FLT1: variants seen among roughly 807,000 people sequenced by gnomAD.
The protein encoded by FLT1 is fms related receptor tyrosine kinase 1, also known as vascular endothelial growth factor receptor 1.
A neutral mutation model predicts 156.3 loss-of-function variants in FLT1; 49 were observed. The ratio of observed to expected loss-of-function variants is 0.31; its 90% CI spans 0.25 to 0.40. The LOEUF is 0.40. Ranked by LOEUF, FLT1 falls within the 10% of genes least tolerant of loss-of-function variation. The pLI is 1.00. For missense variants in FLT1, 1,322 were observed against 1,637.2 expected (o/e 0.81, Z 3.32); for synonymous variants, 594 against 583.8 (o/e 1.02, Z -0.25).
chr13:28,441,383 T>G lies in FLT1; in HGVS notation c.389-3038A>C, dbSNP rs190302138. On this transcript the variant is annotated intron_variant, in intron 3 of 29. Transcript: ENST00000282397. ...AGTGTAGTTTGCTTCCTCTCATTCC[T>G]GCTCTAAAACTGTTTAATAAACTCT... Among the ~76,000 whole-genome samples, 543 of 152,286 alleles carry G rather than the reference T, an allele frequency of 3.6e-3. 5 individuals are homozygous for G. Among genetic ancestry groups the G allele is most frequent in the South Asian group, 0.019 (91 of 4,828 alleles).
chr13:28,418,267 A>G (rs534752480), intron 10 of FLT1, among the ~76,000 whole-genome samples: 6 of 152,298 alleles, frequency 3.9e-5, no homozygotes, highest in African/African-American at 1.4e-4. Context: ...GGGGCCCAAG[A>G]CAGCTGTAGG....
At chr13:28,485,895 G>GACTATAGAT (rs1198793172) in intron 1 of FLT1, among the ~76,000 whole-genome samples, 2 of 152,186 alleles carry the variant, frequency 1.3e-5, no homozygotes, top group Non-Finnish European at 1.5e-5. Context: ...AAATGCCAAG[G>GACTATAGAT]ACTATAGATG....
intron 10 of FLT1, among the ~76,000 whole-genome samples, chr13:28,414,188 A>C (rs1418569733): frequency 6.6e-6 from 1 of 152,128 alleles, no homozygotes; most frequent in African/African-American, 2.4e-5. Flanking sequence ...CTTGGATCTC[A>C]GTTCTCTGAA....
At chr13:28,339,530 A>T (rs896427323) in intron 16 of FLT1, among the ~76,000 whole-genome samples, 5 of 152,154 alleles carry the variant, frequency 3.3e-5, no homozygotes, top group African/African-American at 1.2e-4. Context: ...GAGCTCTACC[A>T]TCCTATCTTG....
At chr13:28,458,961 T>C (rs1422874461) in intron 3 of FLT1, among the ~76,000 whole-genome samples, 1 of 152,244 alleles carries the variant, frequency 6.6e-6, no homozygotes, top group Non-Finnish European at 1.5e-5. Flanking sequence ...CATCAGTGTG[T>C]ATTTTAAACC....
At chr13:28,396,933 T>C in intron 12 of FLT1, 27 bp downstream of exon 12, 4 of 1,278,254 alleles carry the variant, frequency 3.1e-6, no homozygotes, top group Non-Finnish European at 4.6e-6. Flanking sequence ...CACCAGGCTG[T>C]CTCTGGTTAT....
chr13:28,373,772 A>C (rs1402700716), intron 14 of FLT1, among the ~76,000 whole-genome samples: 1 of 152,128 alleles, frequency 6.6e-6, no homozygotes, highest in Non-Finnish European at 1.5e-5. Context: ...TTTTGGGGTT[A>C]GTGTCTTTGG....
At chr13:28,456,061 C>T (rs1020875568) in intron 3 of FLT1, among the ~76,000 whole-genome samples, 4 of 152,172 alleles carry the variant, frequency 2.6e-5, no homozygotes, top group Non-Finnish European at 5.9e-5. Context: ...GACGGTTTGG[C>T]AGTTTCTTAC....
At chr13:28,469,863 C>G (rs1387988670) in intron 1 of FLT1, among the ~76,000 whole-genome samples, 2 of 152,054 alleles carry the variant, frequency 1.3e-5, no homozygotes, top group Non-Finnish European at 2.9e-5. Flanking sequence ...AAGCGATTCT[C>G]GTGCCTCAGC....
intron 11 of FLT1, among the ~76,000 whole-genome samples, chr13:28,398,524 C>T (rs1369989284): frequency 2.0e-5 from 3 of 152,180 alleles, no homozygotes; most frequent in East Asian, 3.8e-4. Context: ...AAGACTTAAA[C>T]ACATGTTCCT....
At chr13:28,329,588 G>A (rs760336275) in intron 19 of FLT1, 27 bp downstream of exon 19, 3 of 1,503,264 alleles carry the variant, frequency 2.0e-6, no homozygotes, top group Admixed American at 1.7e-5. Flanking sequence ...AGGGGGAGAC[G>A]GAGCCGGCCC....
chr13:28,364,699 C>T (rs1180060321), intron 14 of FLT1, among the ~76,000 whole-genome samples: 5 of 152,102 alleles, frequency 3.3e-5, no homozygotes, highest in Admixed American at 6.5e-5. Context: ...ACCACTAAGT[C>T]GTTGTGCCAG....
chr13:28,385,622 T>C (rs1874313614), intron 13 of FLT1: 2 of 1,015,434 alleles, frequency 2.0e-6, no homozygotes, highest in African/African-American at 1.7e-5. Flanking sequence ...ACCAAAGAAT[T>C]AATTCAAGAG....
intron 3 of FLT1, among the ~76,000 whole-genome samples, chr13:28,464,377 G>A (rs556802484): frequency 1.3e-5 from 2 of 152,118 alleles, no homozygotes; most frequent in Non-Finnish European, 2.9e-5. Context: ...ATGACCTAAC[G>A]GCCACTGCTC....
At chr13:28,494,007 G>A (rs1881605613) in intron 1 of FLT1, among the ~76,000 whole-genome samples, 1 of 152,244 alleles carries the variant, frequency 6.6e-6, no homozygotes, top group Non-Finnish European at 1.5e-5. Context: ...CAGGGTCACT[G>A]ATGTCCGCGA....
rs17619452 is a variant in FLT1 at position 28,322,056 on chromosome 13, T to C, written c.3051+206A>G. On this transcript the variant is annotated intron_variant, in intron 22 of 29. Coordinates refer to ENST00000282397, the MANE Select transcript of FLT1 (RefSeq NM_002019.4). The surrounding 1 kb of genome is among the most constrained non-coding windows in gnomAD (Gnocchi z 4.3). ...TTGTCTAGTCTGAAACCTGTGAGTT[T>C]TCCCCAGAATTAAGTTCTATCCACT... 0.033 allele frequency among the ~76,000 whole-genome samples: 5,025 copies of C among 152,300 alleles called. 178 individuals are homozygous for C. The highest frequency in any genetic ancestry group is 0.096 in the Admixed American group (1,464 of 15,302).
Position 28,311,988 on chromosome 13 carries a change from T to G in FLT1, c.3492+5A>C. The G allele has an allele frequency of 5.0e-6, 8 of 1,595,418 alleles. No homozygotes were observed. The highest frequency in any genetic ancestry group is 5.2e-6 in the Non-Finnish European group (6 of 1,164,248). On this transcript the variant is annotated splice_donor_5th_base_variant and intron_variant, in intron 26 of 29. Coordinates refer to ENST00000282397, the MANE Select transcript of FLT1 (RefSeq NM_002019.4). The stretch of plus-strand genomic sequence containing the variant: ...GCATTTTGATGTAAATAAATTTAGT[T>G]TTACCTGTTGTACATTTGCTTGAAG...
At chr13:28,421,905 G>A (rs996404010) in intron 10 of FLT1, among the ~76,000 whole-genome samples, 14 of 152,206 alleles carry the variant, frequency 9.2e-5, no homozygotes, top group African/African-American at 3.4e-4. Flanking sequence ...AACTGGCCAA[G>A]GTCACACAGA....
Position 28,405,350 on chromosome 13 carries a change from T to G in FLT1, c.1551+430A>C, listed in dbSNP as rs531152863. ...AACATTCAGTTTTAGCTCTAAGTCT[T>G]GCACTAGCTTTTGCTTACTGGGATC... On this transcript the variant is annotated intron_variant, in intron 11 of 29. Coordinates refer to ENST00000282397, the MANE Select transcript of FLT1 (RefSeq NM_002019.4). Among the ~76,000 whole-genome samples the G allele has an allele frequency of 3.3e-5, 5 of 152,354 alleles. No homozygotes were observed. The East Asian group carries it at 9.6e-4, about 29-fold the overall frequency.
Sources: gnomAD v4.1 joint callset for allele counts (sites outside exome capture counted in the v4.1 genomes callset) on GRCh38, gnomAD v4.1.1 for gene constraint, Gnocchi (gnomAD v3.1) non-coding constraint, MANE v1.5 for transcripts, NCBI Gene and HGNC (gene_info 2026-07-23, HGNC 2026-07-21) for gene names.